DPP10: variants seen among roughly 807,000 people sequenced by gnomAD.
The protein encoded by DPP10 is inactive dipeptidyl peptidase 10.
Under a neutral mutation model 120.9 loss-of-function variants are expected in DPP10, and 33 were observed. The ratio of observed to expected loss-of-function variants is 0.27; its 90% CI spans 0.21 to 0.37. The LOEUF is 0.37. Among genes scored for constraint, DPP10 ranks in the 10% least tolerant of loss-of-function variants. The pLI is 1.00. For missense variants in DPP10, 816 were observed against 942.8 expected (o/e 0.87, Z 1.76); for synonymous variants, 337 against 326.1 (o/e 1.03, Z -0.36).
At chr2:115,761,972 T>C (rs1680168126) in intron 11 of DPP10, among the ~76,000 whole-genome samples, 1 of 152,190 alleles carries the variant, frequency 6.6e-6, no homozygotes, top group East Asian at 1.9e-4. Flanking sequence ...TACACATATT[T>C]AACGAGGTTA....
At position 115,732,722 on chromosome 2, in the gene DPP10, C is replaced by CTTTCAAATA. The variant is rs1206458997; in HGVS notation, c.697+4790_697+4798dup. ...ATTAAATAGGAAAAAAAATGACTCA[C>CTTTCAAATA]TTTCAAATATTTAAGCATATAGAAT... On this transcript the variant is annotated intron_variant, in intron 8 of 25. Coordinates refer to ENST00000410059, the MANE Select transcript of DPP10 (RefSeq NM_020868.6). Among the ~76,000 whole-genome samples, 30 of 152,214 alleles carry CTTTCAAATA rather than the reference C, an allele frequency of 2.0e-4. 2 individuals carry two copies. Among genetic ancestry groups the CTTTCAAATA allele is most frequent in the African/African-American group, 7.0e-4 (29 of 41,540 alleles).
chr2:115,041,514 AT>A (rs900723084), intron 1 of DPP10, among the ~76,000 whole-genome samples: 2 of 152,108 alleles, frequency 1.3e-5, no homozygotes, highest in African/African-American at 2.4e-5. Context: ...CAGCTTAGTG[AT>A]TTTTTTTATG....
intron 1 of DPP10, among the ~76,000 whole-genome samples, chr2:114,973,993 A>T (rs1262110135): frequency 6.6e-6 from 1 of 152,210 alleles, no homozygotes; most frequent in Non-Finnish European, 1.5e-5. Flanking sequence ...CAGCTGTGCC[A>T]TGTGTTTTAA....
chr2:115,141,922 C>A (rs1013839986), intron 1 of DPP10, among the ~76,000 whole-genome samples: 1 of 151,988 alleles, frequency 6.6e-6, no homozygotes, highest in African/African-American at 2.4e-5. Context: ...TACAGGTGCG[C>A]GCCACTATGC....
At position 115,791,307 on chromosome 2, in the gene DPP10, C is replaced by A. The variant is rs776539290; in HGVS notation, c.1651C>A (p.Leu551Ile). Residue 551 changes from leucine to isoleucine, a missense_variant, in exon 19 of 26, where the codon CTT becomes ATT. Leu to Ile is a conservative substitution (Grantham distance 5, BLOSUM62 2). Coordinates refer to ENST00000410059, the MANE Select transcript of DPP10 (RefSeq NM_020868.6). ...AAAAGAACTTCCTTTACAGTTGTCCCTTCCCAAAGATTTTATGGACCGAAA... is the reference window on the plus strand; with the variant it reads ...AAAAGAACTTCCTTTACAGTTGTCCATTCCCAAAGATTTTATGGACCGAAA... The part of the protein sequence containing the change: ...DDYELPLQLS[L>I]PKDFMDRNQY... 19 of 1,611,858 alleles carry A rather than the reference C, an allele frequency of 1.2e-5. No individual in the cohort carries two copies. The highest frequency in any genetic ancestry group is 1.4e-5 in the Non-Finnish European group (17 of 1,179,324).
At chr2:115,794,861 A>T (rs1240717035) in intron 19 of DPP10, among the ~76,000 whole-genome samples, 1 of 151,838 alleles carries the variant, frequency 6.6e-6, no homozygotes, top group Non-Finnish European at 1.5e-5. Flanking sequence ...CTTACTTCCT[A>T]CTCATGTTTA....
chr2:114,630,367 G>A (rs1334700205), intron 1 of DPP10, among the ~76,000 whole-genome samples: 4 of 152,066 alleles, frequency 2.6e-5, no homozygotes, highest in Admixed American at 2.0e-4. Context: ...TCCAGTTCAG[G>A]ATAATACTAA....
chr2:115,629,186 G>A (rs1165386972), intron 5 of DPP10, among the ~76,000 whole-genome samples: 1 of 152,166 alleles, frequency 6.6e-6, no homozygotes, highest in African/African-American at 2.4e-5. Flanking sequence ...TGGTGTATAT[G>A]TGCCACATTT....
intron 1 of DPP10, among the ~76,000 whole-genome samples, chr2:115,130,400 G>A (rs4297887): frequency 0.77 from 117,171 of 151,930 alleles, 45,430 homozygotes; most frequent in East Asian, 0.97. Flanking sequence ...CGATTCCACA[G>A]AGACTCAGAT....
At chr2:115,096,758 T>C (rs1660658508) in intron 1 of DPP10, among the ~76,000 whole-genome samples, 1 of 152,210 alleles carries the variant, frequency 6.6e-6, no homozygotes, top group South Asian at 2.1e-4. Flanking sequence ...AAATGGTCTA[T>C]CTATACATGT....
At chr2:115,191,155 C>T (rs939529353) in intron 1 of DPP10, among the ~76,000 whole-genome samples, 1 of 152,110 alleles carries the variant, frequency 6.6e-6, no homozygotes, top group Non-Finnish European at 1.5e-5. Flanking sequence ...AGTGATTTAT[C>T]TGACCACGGG....
chr2:114,900,029 G>T (rs1001122321), intron 1 of DPP10, among the ~76,000 whole-genome samples: 1 of 152,178 alleles, frequency 6.6e-6, no homozygotes, highest in Non-Finnish European at 1.5e-5. Context: ...CATTTTCAAT[G>T]CTGTATAACA....
intron 1 of DPP10, among the ~76,000 whole-genome samples, chr2:115,199,931 G>A (rs2055573614): frequency 1.3e-5 from 2 of 152,020 alleles, no homozygotes; most frequent in Admixed American, 1.3e-4. Flanking sequence ...TTTTAAAATA[G>A]GCCAGAGGAC....
intron 2 of DPP10, among the ~76,000 whole-genome samples, chr2:115,320,649 C>CTA (rs1388329088): frequency 1.3e-5 from 2 of 151,904 alleles, no homozygotes; most frequent in African/African-American, 4.8e-5. Flanking sequence ...CAAATTACAT[C>CTA]TATATATATT....
intron 1 of DPP10, among the ~76,000 whole-genome samples, chr2:115,184,124 G>T (rs1277020210): frequency 6.6e-6 from 1 of 152,194 alleles, no homozygotes; most frequent in East Asian, 1.9e-4. Flanking sequence ...TTGCAAGAAA[G>T]TCAGTAAAAC....
At position 114,728,613 on chromosome 2, in the gene DPP10, A is replaced by G. The variant is rs185308658; in HGVS notation, c.60+285775A>G. Among the ~76,000 whole-genome samples, 13 of 152,278 alleles carry G rather than the reference A, an allele frequency of 8.5e-5. No homozygotes were observed. In the East Asian group the frequency reaches 2.3e-3, roughly 27 times the overall value. On this transcript the variant is annotated intron_variant, in intron 1 of 25. Transcript: ENST00000410059. ...AGGTCTGTCCAGAGAAGCGGACTGC[A>G]TTTGGAGAGGGTTCACTAGATAAGT...
Position 115,154,644 on chromosome 2 carries a change from AGAG to A in DPP10, c.61-154593_61-154591del, listed in dbSNP as rs565879916. 7.9e-5 allele frequency among the ~76,000 whole-genome samples: 12 copies of A among 152,244 alleles called. No individual in the cohort carries two copies. In the East Asian group the frequency reaches 2.1e-3, roughly 27 times the overall value. The stretch of plus-strand genomic sequence containing the variant: ...GAGATGCTAATAGAGCTTAATATTG[AGAG>A]GGTGAATAAAGATTTTTTTTTCAAA... On this transcript the variant is annotated intron_variant, in intron 1 of 25. Coordinates refer to ENST00000410059, the MANE Select transcript of DPP10 (RefSeq NM_020868.6).
chr2:115,104,781 G>A (rs1447734171), intron 1 of DPP10, among the ~76,000 whole-genome samples: 1 of 152,188 alleles, frequency 6.6e-6, no homozygotes, highest in African/African-American at 2.4e-5. Context: ...GCCGAGGCGG[G>A]TGGATCACGA....
chr2:115,589,756 T>A (rs2082511753), intron 5 of DPP10, among the ~76,000 whole-genome samples: 1 of 152,184 alleles, frequency 6.6e-6, no homozygotes, highest in East Asian at 1.9e-4. Context: ...TAAACAAAAC[T>A]TTAACTTGAG....
Sources: gnomAD v4.1 joint callset for allele counts (sites outside exome capture counted in the v4.1 genomes callset) on GRCh38, gnomAD v4.1.1 for gene constraint, MANE v1.5 for transcripts, NCBI Gene and HGNC (gene_info 2026-07-23, HGNC 2026-07-21) for gene names.